The following ALG2 variants were observed in gnomAD, a reference collection of about 807,000 sequenced individuals.
The protein encoded by ALG2 is alpha-1,3/1,6-mannosyltransferase ALG2.
In ALG2, 32 loss-of-function variants were observed where a neutral mutation model predicts 30.5. The ratio of observed to expected loss-of-function variants is 1.05; its 90% confidence interval spans 0.79 to 1.41. ALG2 has a LOEUF of 1.41. ALG2 is among the 40% of genes most tolerant of loss of function. The pLI is 0.00. For synonymous variants in ALG2, 253 were observed against 224.8 expected (o/e 1.13, Z -1.12); for missense variants, 574 against 526.4 (o/e 1.09, Z -0.88).
In ALG2 at chr9:99,221,602, G is replaced by T. The variant is rs1354757690; in HGVS notation, c.293C>A (p.Ala98Glu). The T allele has an allele frequency of 6.5e-7, 1 of 1,543,706 alleles. No individual in the cohort carries two copies. The highest frequency in any genetic ancestry group is 1.2e-5 in the South Asian group (1 of 84,146). ...GTCGGCGAGGAACAGCACGTAGAGCGCCAGGAAAACCATGCGCACGTAGGC... is the reference window on the plus strand; with the variant it reads ...GTCGGCGAGGAACAGCACGTAGAGCTCCAGGAAAACCATGCGCACGTAGGC... The part of the protein sequence containing the change: ...VCAYVRMVFL[A>E]LYVLFLADEE... The change falls in exon 1 of 2, where the codon GCG becomes GAG. Residue 98 changes from alanine (A) to glutamate (E), a missense_variant. Ala to Glu is a moderately radical substitution (Grantham distance 107, BLOSUM62 -1). Coordinates refer to ENST00000476832, the MANE Select transcript of ALG2 (RefSeq NM_033087.4).
chr9:99,221,851 G>T lies in ALG2; in HGVS notation c.44C>A (p.Pro15Gln), dbSNP rs757920586. Residue 15 changes from proline to glutamine, a missense_variant, in exon 1 of 2, where the codon CCG becomes CAG. By Grantham distance (76) the Pro-to-Gln change is moderately conservative. Coordinates refer to ENST00000476832, the MANE Select transcript of ALG2 (RefSeq NM_033087.4). ...QGRERDSVPK[P>Q]SVLFLHPDLG... ...GTCTGGGTGGAGGAACAGCACCGACGGCTTGGGAACCGAGTCCCGTTCCCG... is the reference window on the plus strand; with the variant it reads ...GTCTGGGTGGAGGAACAGCACCGACTGCTTGGGAACCGAGTCCCGTTCCCG... The T allele has an allele frequency of 4.4e-6, 7 of 1,594,178 alleles. No individual in the cohort carries two copies. Among genetic ancestry groups the T allele is most frequent in the Non-Finnish European group, 5.9e-6 (7 of 1,177,660 alleles).
In ALG2 at chr9:99,217,101, C is replaced by T. The variant is rs1396789368; in HGVS notation, c.*833G>A. On this transcript the variant is annotated 3_prime_UTR_variant, in exon 2 of 2. Coordinates refer to ENST00000476832, the MANE Select transcript of ALG2 (RefSeq NM_033087.4). Reference sequence around the variant, plus strand: ...AAGCTTTGCAGCAGTGGCATTTGAGCCAGGCCTTGGAAGATAAAAAACATT... The same window carrying T: ...AAGCTTTGCAGCAGTGGCATTTGAGTCAGGCCTTGGAAGATAAAAAACATT... 3 of 453,958 alleles carry T rather than the reference C, an allele frequency of 6.6e-6. No homozygotes were observed. The highest frequency in any genetic ancestry group is 2.4e-5 in the Admixed American group (1 of 42,550). 28.1% of individuals were successfully genotyped at this position (453,958 alleles called of 1,614,324 possible).
rs1828736931 is a variant in ALG2, at chr9:99,218,483, G to GT, written c.701dup (p.Tyr234Ter). The GT allele has an allele frequency of 2.5e-6, 4 of 1,614,178 alleles. No individual in the cohort carries two copies. The highest frequency in any genetic ancestry group is 1.3e-5 in the African/African-American group (1 of 75,032). The change falls in exon 2 of 2, where the codon TAC becomes TAAC. Residue 234 changes from tyrosine (Y) to a stop codon, truncating the protein, a stop_gained and frameshift_variant. Transcript: ENST00000476832. LOFTEE classifies it high-confidence loss of function. ...KKFLLLSINR[Y>*]ERKKNLTLAL... ...CCAAAGTCAGATTTTTCTTCCTTTCGTATCTGTTGATGGAGAGCAGCAGGA... is the reference window on the plus strand; with the variant it reads ...CCAAAGTCAGATTTTTCTTCCTTTCGTTATCTGTTGATGGAGAGCAGCAGGA...
chr9:99,221,045 C>A (rs1255365676), intron 1 of ALG2: 20 of 1,354,268 alleles, frequency 1.5e-5, no homozygotes, highest in Non-Finnish European at 2.0e-5. Flanking sequence ...TTAATAGGGG[C>A]ATGATATATT....
chr9:99,217,544 AT>A lies in ALG2; in HGVS notation c.*389del. The A allele has an allele frequency of 2.2e-6, 1 of 456,812 alleles. No homozygotes were observed. Among genetic ancestry groups the A allele is most frequent in the Non-Finnish European group, 4.4e-6 (1 of 228,406 alleles). The allele number at this position is 456,812 out of a possible 1,614,324, so 28.3% of individuals were successfully genotyped here. ...TGGGAACTACAATAGCCCTGCTCTCATTATACTATGAAGCCAAATTAATCAA... is the reference window on the plus strand; with the variant it reads ...TGGGAACTACAATAGCCCTGCTCTCATATACTATGAAGCCAAATTAATCAA... On this transcript the variant is annotated 3_prime_UTR_variant, in exon 2 of 2. Transcript: ENST00000476832.
Position 99,217,594 on chromosome 9 carries a change from A to T in ALG2, c.*340T>A, listed in dbSNP as rs1828715780. ...AACTTTGATAATGATACACACTTAA[A>T]CTATGAAAACCAATTAAGGCACAGT... On this transcript the variant is annotated 3_prime_UTR_variant, in exon 2 of 2. Transcript: ENST00000476832. 4.3e-6 allele frequency: 2 copies of T among 469,226 alleles called. No individual in the cohort carries two copies. Among genetic ancestry groups the T allele is most frequent in the South Asian group, 3.1e-5 (2 of 64,628 alleles). 29.1% of individuals were successfully genotyped at this position (469,226 alleles called of 1,614,324 possible).
chr9:99,221,019 G>A (rs1828789146), intron 1 of ALG2: 1 of 1,352,912 alleles, frequency 7.4e-7, no homozygotes, highest in African/African-American at 1.5e-5. Flanking sequence ...AACCAATGGG[G>A]AGCCATGTAC....
rs1336344503 is a variant in ALG2 at position 99,217,361 on chromosome 9, T to C, written c.*573A>G. The C allele has an allele frequency of 4.4e-6, 2 of 453,944 alleles. No homozygotes were observed. Among genetic ancestry groups the C allele is most frequent in the African/African-American group, 2.0e-5 (1 of 49,994 alleles). 28.1% of individuals were successfully genotyped at this position (453,944 alleles called of 1,614,324 possible). On this transcript the variant is annotated 3_prime_UTR_variant, in exon 2 of 2. Transcript: ENST00000476832. ...TATGGAGACCAAAATCTAATACTGT[T>C]TCTTTTTTATGATAAACACCTTTTA...
At position 99,216,837 on chromosome 9, in the gene ALG2, A is replaced by G. The variant is rs1343264483; in HGVS notation, c.*1097T>C. The G allele has an allele frequency of 6.6e-6, 3 of 454,036 alleles. No individual in the cohort carries two copies. The highest frequency in any genetic ancestry group is 1.6e-5 in the South Asian group (1 of 64,484). 28.1% of individuals were successfully genotyped at this position (454,036 alleles called of 1,614,324 possible). On this transcript the variant is annotated 3_prime_UTR_variant, in exon 2 of 2. Transcript: ENST00000476832. ...AATCATATAGGCTGTTAGGCTCTCA[A>G]GTCTAGCTCTTAAGAGTTGATAAAT...
intron 1 of ALG2, chr9:99,220,840 G>A: frequency 4.5e-6 from 4 of 883,466 alleles, no homozygotes; most frequent in Non-Finnish European, 6.2e-6. Flanking sequence ...GGGGCTTTTA[G>A]GTTACATCCT....
chr9:99,221,803 C>T lies in ALG2; in HGVS notation c.92G>A (p.Arg31Gln). Residue 31 changes from arginine to glutamine, a missense_variant, in exon 1 of 2, where the codon CGG becomes CAG. Transcript: ENST00000476832. ...CGCCAGCGCCGCGTCCAACACCAGCCGCTCAGCGCCGCCCACGCCCAGGTC... is the reference window on the plus strand; with the variant it reads ...CGCCAGCGCCGCGTCCAACACCAGCTGCTCAGCGCCGCCCACGCCCAGGTC... ...HPDLGVGGAE[R>Q]LVLDAALALQ... The T allele has an allele frequency of 6.3e-7, 1 of 1,597,850 alleles. No homozygotes were observed. Among genetic ancestry groups the T allele is most frequent in the Non-Finnish European group, 8.5e-7 (1 of 1,179,280 alleles).
rs1828719940 is a variant in ALG2 at position 99,217,817 on chromosome 9, C to T, written c.*117G>A. ...AGGAAAGTGGCTCACATTCAAGACT[C>T]AAGTTTATTTTTTAAAAGATCTCTT... On this transcript the variant is annotated 3_prime_UTR_variant, in exon 2 of 2. Coordinates refer to ENST00000476832, the MANE Select transcript of ALG2 (RefSeq NM_033087.4). 1 of 1,189,916 alleles carries T rather than the reference C, an allele frequency of 8.4e-7. No homozygotes were observed. The highest frequency in any genetic ancestry group is 1.5e-5 in the African/African-American group (1 of 66,320). 73.7% of individuals were successfully genotyped at this position (1,189,916 alleles called of 1,614,324 possible).
At chr9:99,220,083 G>C (rs1387994221) in intron 1 of ALG2, among the ~76,000 whole-genome samples, 1 of 152,206 alleles carries the variant, frequency 6.6e-6, no homozygotes, top group Non-Finnish European at 1.5e-5. Flanking sequence ...TTGTGGGGGA[G>C]TAAAGTGACA....
At chr9:99,220,749 A>C (rs1180139288) in intron 1 of ALG2, among the ~76,000 whole-genome samples, 6 of 152,260 alleles carry the variant, frequency 3.9e-5, no homozygotes, top group African/African-American at 9.6e-5. Context: ...CTATGAAAAG[A>C]CACAGGCTGG....
chr9:99,219,303 C>A (rs1490109866), intron 1 of ALG2, among the ~76,000 whole-genome samples: 1 of 152,230 alleles, frequency 6.6e-6, no homozygotes. Flanking sequence ...AAGTGCTCAA[C>A]AGCCACATGT....
In ALG2 at chr9:99,218,331, T is replaced by C. The variant is rs201833694; in HGVS notation, c.854A>G (p.Lys285Arg). 6.2e-7 allele frequency: 1 copy of C among 1,614,220 alleles called. No individual in the cohort carries two copies. The highest frequency in any genetic ancestry group is 8.5e-7 in the Non-Finnish European group (1 of 1,180,028). ...LENVEHYQEL[K>R]KMVQQSDLGQ... is the part of the protein sequence containing the mutation. ...AAGGTCGGACTGTTGGACCATTTTC[T>C]TCAATTCCTGATAATGTTCCACATT... The change falls in exon 2 of 2, where the codon AAG becomes AGG. Residue 285 changes from lysine to arginine, a missense_variant. Physicochemically the swap from Lys to Arg is conservative, Grantham distance 26. Coordinates refer to ENST00000476832, the MANE Select transcript of ALG2 (RefSeq NM_033087.4).
intron 1 of ALG2, among the ~76,000 whole-genome samples, chr9:99,220,404 G>T (rs1437335496): frequency 2.0e-5 from 3 of 152,192 alleles, no homozygotes; most frequent in African/African-American, 7.2e-5. Context: ...TGGGCGCAGT[G>T]GCTCATGCCT....
intron 1 of ALG2, 70 bp downstream of exon 1, chr9:99,221,477 G>A (rs959015731): frequency 2.0e-6 from 3 of 1,474,284 alleles, no homozygotes; most frequent in African/African-American, 2.8e-5. Context: ...TCTTCTCTCA[G>A]GGGTCATGCC....
At chr9:99,220,900 CTT>C in intron 1 of ALG2, 1 of 1,288,206 alleles carries the variant, frequency 7.8e-7, no homozygotes, top group Non-Finnish European at 1.0e-6. Flanking sequence ...TTAAAGTCAT[CTT>C]TTTTAGGATG....
Sources: allele counts gnomAD v4.1 joint callset (sites outside exome capture counted in the v4.1 genomes callset), GRCh38; gene constraint gnomAD v4.1.1; transcripts MANE v1.5; gene names NCBI Gene and HGNC (gene_info 2026-07-23, HGNC 2026-07-21).